Variants in MYOF observed in about 807,000 individuals in gnomAD.
MYOF encodes myoferlin.
A neutral mutation model predicts 284.2 loss-of-function variants in MYOF; 244 were observed. That is an observed-to-expected ratio of 0.86 (90% CI 0.77 to 0.95). The LOEUF is 0.95. MYOF is among the 40% of genes least tolerant of loss of function. The pLI is 0.00. For synonymous variants in MYOF, 904 were observed against 919.7 expected (o/e 0.98, Z 0.31); for missense variants, 2,496 against 2,560.6 (o/e 0.97, Z 0.54).
At chr10:93,433,209 G>C (rs528996886) in intron 3 of MYOF, among the ~76,000 whole-genome samples, 88 of 152,300 alleles carry the variant, frequency 5.8e-4, no homozygotes, top group African/African-American at 2.0e-3. Flanking sequence ...CCAGCCTGGA[G>C]TGCAACGGCG....
chr10:93,354,666 A>ACTCTCTCTCCCTCTCT (rs1554844077), intron 31 of MYOF, among the ~76,000 whole-genome samples: 8 of 119,316 alleles, frequency 6.7e-5, no homozygotes, highest in South Asian at 5.7e-4. Context: ...TCACACATTC[A>ACTCTCTCTCCCTCTCT]CTCTCTCTCT....
chr10:93,354,314 G>GT (rs1458691298), intron 31 of MYOF, among the ~76,000 whole-genome samples: 1 of 152,142 alleles, frequency 6.6e-6, no homozygotes, highest in Non-Finnish European at 1.5e-5. Context: ...GGAGACAGAG[G>GT]TTTCAGTGAG....
chr10:93,383,891 C>T (rs569253781), intron 19 of MYOF, among the ~76,000 whole-genome samples: 14 of 152,220 alleles, frequency 9.2e-5, no homozygotes, highest in African/African-American at 2.9e-4. Context: ...CCAGCTGGGC[C>T]GGCTCTACCC....
At chr10:93,314,983 G>A (rs1471280093) in intron 50 of MYOF, among the ~76,000 whole-genome samples, 1 of 152,150 alleles carries the variant, frequency 6.6e-6, no homozygotes, top group African/African-American at 2.4e-5. Context: ...CCCAGGAGGT[G>A]GAGGTTGCAG....
rs2057392629 is a variant in MYOF at position 93,482,140 on chromosome 10, T to G, written c.55A>C (p.Lys19Gln). The G allele has an allele frequency of 1.9e-6, 3 of 1,614,070 alleles. No individual in the cohort carries two copies. Among genetic ancestry groups the G allele is most frequent in the Non-Finnish European group, 2.5e-6 (3 of 1,180,004 alleles). Reference protein sequence around the residue: ...ASNIPKTKFGKPDPIVSVIFK... With the variant: ...ASNIPKTKFGQPDPIVSVIFK... ...ATGACAGAAACAATAGGATCCGGCT[T>G]GCCAAATTTCGTTTTAGGGATATTG... is the stretch of plus-strand genomic sequence containing the variant. Residue 19 changes from lysine (K) to glutamine (Q), a missense_variant, in exon 1 of 54, where the codon AAG (lysine) becomes CAG (glutamine). This residue lies in a region of MYOF where 57 missense variants were observed against 62.4 expected (regional missense o/e 0.91). Coordinates refer to ENST00000359263, the MANE Select transcript of MYOF (RefSeq NM_013451.4).
At chr10:93,446,726 T>C (rs149491572) in intron 3 of MYOF, among the ~76,000 whole-genome samples, 10 of 151,674 alleles carry the variant, frequency 6.6e-5, no homozygotes, top group African/African-American at 2.2e-4. Context: ...AACCACGTGC[T>C]CATTTGGTCT....
chr10:93,423,403 T>C (rs1848436551), intron 5 of MYOF, among the ~76,000 whole-genome samples: 1 of 151,252 alleles, frequency 6.6e-6, no homozygotes, highest in Non-Finnish European at 1.5e-5. Context: ...CGCGGGCGCC[T>C]GTAATCCCAC....
At chr10:93,368,058 C>T (rs1007907237) in intron 25 of MYOF, among the ~76,000 whole-genome samples, 1 of 149,974 alleles carries the variant, frequency 6.7e-6, no homozygotes, top group African/African-American at 2.5e-5. Context: ...TCGATCATTG[C>T]TCAGGGCTGC....
intron 53 of MYOF, 41 bp from the exon 54 acceptor site, chr10:93,307,042 T>C: frequency 2.0e-6 from 3 of 1,528,542 alleles, no homozygotes; most frequent in Non-Finnish European, 2.7e-6. Flanking sequence ...AACATGTATG[T>C]ATATATGTTT....
intron 5 of MYOF, among the ~76,000 whole-genome samples, chr10:93,410,508 T>TG (rs1343416328): frequency 3.9e-5 from 6 of 152,186 alleles, no homozygotes; most frequent in Non-Finnish European, 1.5e-5. Flanking sequence ...TGTGTACCTC[T>TG]GGGGGTTCCG....
chr10:93,438,519 A>ATG (rs749425286), intron 3 of MYOF, among the ~76,000 whole-genome samples: 8 of 152,118 alleles, frequency 5.3e-5, no homozygotes, highest in African/African-American at 1.2e-4. Flanking sequence ...ATTTCTCAGA[A>ATG]TGTGCTTCCC....
At position 93,336,036 on chromosome 10, in the gene MYOF, C is replaced by A. The variant is rs1224969327; in HGVS notation, c.4448G>T (p.Cys1483Phe). The change falls in exon 41 of 54, where the codon TGT becomes TTT. Residue 1483 changes from cysteine to phenylalanine, a missense_variant. This residue lies in a region of MYOF where 2,436 missense variants were observed against 2,480.7 expected (regional missense o/e 0.98). Coordinates refer to ENST00000359263, the MANE Select transcript of MYOF (RefSeq NM_013451.4). ...KGYSKLKIYNCELENVAEFEG... is the reference protein window; with the variant it reads ...KGYSKLKIYNFELENVAEFEG... ...AAATTCTGCTACATTTTCTAGTTCACAATTATATATCTGAAAACCACCAAC... is the reference window on the plus strand; with the variant it reads ...AAATTCTGCTACATTTTCTAGTTCAAAATTATATATCTGAAAACCACCAAC... 1 of 1,613,640 alleles carries A rather than the reference C, an allele frequency of 6.2e-7. No homozygotes were observed. The highest frequency in any genetic ancestry group is 8.5e-7 in the Non-Finnish European group (1 of 1,179,842).
rs553806192 is a variant in MYOF at position 93,479,314 on chromosome 10, C to T, written c.88+2793G>A. On this transcript the variant is annotated intron_variant, in intron 1 of 53. Transcript: ENST00000359263. ...GTAGGGCTTTTTCCAGTTTACCATA[C>T]CCTGCCCCACTCCACACTATGAAGT... Among the ~76,000 whole-genome samples, 5 of 152,176 alleles carry T rather than the reference C, an allele frequency of 3.3e-5. No individual in the cohort carries two copies. The East Asian group carries it at 9.7e-4, about 29-fold the overall frequency.
intron 53 of MYOF, among the ~76,000 whole-genome samples, chr10:93,308,148 C>A (rs1446499857): frequency 2.0e-5 from 3 of 150,866 alleles, no homozygotes; most frequent in Admixed American, 6.6e-5. Context: ...GAGGCTGAGG[C>A]TGGAGAATCG....
At chr10:93,394,210 T>C (rs1216902128) in intron 16 of MYOF, among the ~76,000 whole-genome samples, 1 of 152,042 alleles carries the variant, frequency 6.6e-6, no homozygotes, top group African/African-American at 2.4e-5. Context: ...CAAGTGATTC[T>C]CCTGCCTCAG....
chr10:93,399,449 A>C lies in MYOF; in HGVS notation c.1164T>G (p.Asn388Lys), dbSNP rs746372475. The C allele has an allele frequency of 5.0e-6, 8 of 1,613,920 alleles. No individual in the cohort carries two copies. In the South Asian group the frequency reaches 7.7e-5, roughly 16 times the overall value. The change falls in exon 13 of 54, where the codon AAT (asparagine) becomes AAG (lysine). Residue 388 changes from asparagine (N) to lysine (K), a missense_variant. Around this residue, in one of 3 missense-constraint regions of MYOF, gnomAD observed 2,436 missense variants for 2,480.7 expected, o/e 0.98. Coordinates refer to ENST00000359263, the MANE Select transcript of MYOF (RefSeq NM_013451.4). ...SQTVKEIFGG[N>K]ADKKNLVDPF... ...GATCCACGAGATTTTTCTTATCTGC[A>C]TTGCCTCCAAATATTTCCTTTACTG...
At chr10:93,379,764 G>C in intron 21 of MYOF, 99 bp downstream of exon 21, 1 of 1,453,994 alleles carries the variant, frequency 6.9e-7, no homozygotes, top group Non-Finnish European at 9.4e-7. Context: ...ATTGATCACT[G>C]TACTAAGCAC....
At chr10:93,429,245 C>T (rs1848729918) in intron 4 of MYOF, among the ~76,000 whole-genome samples, 1 of 152,194 alleles carries the variant, frequency 6.6e-6, no homozygotes, top group South Asian at 2.1e-4. Context: ...GTCACGCCTG[C>T]TTCCTCTCCA....
At chr10:93,390,965 A>C (rs980259294) in intron 17 of MYOF, among the ~76,000 whole-genome samples, 3 of 152,198 alleles carry the variant, frequency 2.0e-5, no homozygotes, top group Non-Finnish European at 2.9e-5. Context: ...AAATTGGCAG[A>C]TTTAACCCCA....
Sources: gnomAD v4.1 joint callset for allele counts (sites outside exome capture counted in the v4.1 genomes callset) on GRCh38, gnomAD v4.1.1 for gene constraint, gnomAD v4.1.1 regional missense constraint, MANE v1.5 for transcripts, NCBI Gene and HGNC (gene_info 2026-07-23, HGNC 2026-07-21) for gene names.